The following CNNM2 variants were observed in gnomAD, a reference collection of about 807,000 sequenced individuals.
CNNM2 encodes the protein metal transporter CNNM2.
A neutral mutation model predicts 66.9 loss-of-function variants in CNNM2; 12 were observed. The observed-to-expected ratio is 0.18, with a 90% CI of 0.11 to 0.29. The LOEUF is 0.29. Ranked by LOEUF, CNNM2 falls within the 10% of genes least tolerant of loss-of-function variation. The probability of loss-of-function intolerance (pLI) is 1.00; values close to 1 mark genes in which losing one functional copy is unlikely to be tolerated. For missense variants in CNNM2, 705 were observed against 1,167.7 expected (o/e 0.60, Z 5.77); for synonymous variants, 557 against 501.8 (o/e 1.11, Z -1.47).
chr10:103,032,330 AATTC>A (rs2064842234), intron 1 of CNNM2, among the ~76,000 whole-genome samples: 1 of 152,072 alleles, frequency 6.6e-6, no homozygotes, highest in Admixed American at 6.6e-5. Context: ...GCACATCTGT[AATTC>A]CAGCTACTCA....
At chr10:103,024,941 T>G (rs2134291636) in intron 1 of CNNM2, among the ~76,000 whole-genome samples, 1 of 152,312 alleles carries the variant, frequency 6.6e-6, no homozygotes, top group East Asian at 1.9e-4. Flanking sequence ...ATTAAACACC[T>G]TCATCAGTAA....
chr10:102,980,296 GCTAT>G (rs1190387036), intron 1 of CNNM2, among the ~76,000 whole-genome samples: 1 of 150,504 alleles, frequency 6.6e-6, no homozygotes. Flanking sequence ...TAGTTAAATT[GCTAT>G]CTATTTTATT....
intron 1 of CNNM2, among the ~76,000 whole-genome samples, chr10:102,976,007 C>T (rs942863959): frequency 1.3e-5 from 2 of 152,132 alleles, no homozygotes; most frequent in Non-Finnish European, 2.9e-5. Flanking sequence ...AAAAGAACCT[C>T]ACTGGTTCTT....
intron 1 of CNNM2, among the ~76,000 whole-genome samples, chr10:102,998,877 C>T (rs1156298290): frequency 6.6e-6 from 1 of 152,004 alleles, no homozygotes; most frequent in Non-Finnish European, 1.5e-5. Context: ...TTGCAGGGTA[C>T]AAGAGCAATA....
At chr10:102,984,615 C>T in intron 1 of CNNM2, among the ~76,000 whole-genome samples, 1 of 152,170 alleles carries the variant, frequency 6.6e-6, no homozygotes, top group African/African-American at 2.4e-5. Flanking sequence ...ATTTGACAAT[C>T]TAAGCCTAGA....
rs2134148877 is a variant in CNNM2, at chr10:102,918,598, A to G, written c.118A>G (p.Ile40Val). The G allele has an allele frequency of 1.3e-6, 2 of 1,562,696 alleles. No individual in the cohort carries two copies. The highest frequency in any genetic ancestry group is 1.4e-5 in the African/African-American group (1 of 72,084). Residue 40 changes from isoleucine to valine, a missense_variant, in exon 1 of 8, where the codon ATC (isoleucine) becomes GTC (valine). Ile to Val is a conservative substitution (Grantham distance 29, BLOSUM62 3). Coordinates refer to ENST00000369878, the MANE Select transcript of CNNM2 (RefSeq NM_017649.5). The surrounding 1 kb of genome is among the most constrained non-coding windows in gnomAD (Gnocchi z 4.1). The stretch of plus-strand genomic sequence containing the variant: ...CAGCCTCAGCGCTCGCGGCCGGGGG[A>G]TCCTGCAGGCGGCTGCGGGGCGGCT... ...RRSLSARGRG[I>V]LQAAAGRLLP... is the part of the protein sequence containing the mutation.
intron 1 of CNNM2, among the ~76,000 whole-genome samples, chr10:103,021,134 C>A (rs76147378): frequency 6.6e-6 from 1 of 151,990 alleles, no homozygotes; most frequent in Non-Finnish European, 1.5e-5. Context: ...ACAGGCAAGG[C>A]GGGAGAGAAG....
At chr10:103,032,171 C>T (rs1590426775) in intron 1 of CNNM2, among the ~76,000 whole-genome samples, 1 of 152,056 alleles carries the variant, frequency 6.6e-6, no homozygotes, top group East Asian at 1.9e-4. Flanking sequence ...CATTAGGGGC[C>T]GGGTACGGTG....
rs775896596 is a variant in CNNM2, at chr10:102,918,596, G to A, written c.116G>A (p.Gly39Glu). 2 of 1,562,768 alleles carry A rather than the reference G, an allele frequency of 1.3e-6. No individual in the cohort carries two copies. Among genetic ancestry groups the A allele is most frequent in the Admixed American group, 1.9e-5 (1 of 52,472 alleles). ...ARRSLSARGR[G>E]ILQAAAGRLL... is the part of the protein sequence containing the mutation. ...CGCAGCCTCAGCGCTCGCGGCCGGG[G>A]GATCCTGCAGGCGGCTGCGGGGCGG... Residue 39 changes from glycine (G) to glutamate (E), a missense_variant, in exon 1 of 8, where the codon GGG becomes GAG. Transcript: ENST00000369878. This position sits in a 1 kb window ranked among gnomAD's most constrained non-coding sequence, Gnocchi z 4.1.
At chr10:102,958,679 A>G (rs1376888277) in intron 1 of CNNM2, among the ~76,000 whole-genome samples, 1 of 151,782 alleles carries the variant, frequency 6.6e-6, no homozygotes, top group Admixed American at 6.6e-5. Flanking sequence ...CTATATTGCC[A>G]GGCTGATCTC....
chr10:102,927,220 C>A (rs1845900580), intron 1 of CNNM2: 1 of 1,279,426 alleles, frequency 7.8e-7, no homozygotes, highest in East Asian at 2.5e-5. Context: ...AGTAAACTTT[C>A]AATTCATTAA....
Position 103,085,705 on chromosome 10 carries a change from CAG to C in CNNM2, c.*8528_*8529del, listed in dbSNP as rs569712861. ...AAAACATAGATTCCTCATCCTTAAACAGAGTCAGCAAGTTTGAGATGAAATGT... is the reference window on the plus strand; with the variant it reads ...AAAACATAGATTCCTCATCCTTAAACAGTCAGCAAGTTTGAGATGAAATGT... On this transcript the variant is annotated 3_prime_UTR_variant, in exon 8 of 8. Coordinates refer to ENST00000369878, the MANE Select transcript of CNNM2 (RefSeq NM_017649.5). The C allele has an allele frequency of 7.7e-4, 118 of 152,316 alleles. 1 individual carries two copies. The highest frequency in any genetic ancestry group is 2.7e-3 in the African/African-American group (113 of 41,568). The allele number at this position is 152,316 out of a possible 1,614,324, so 9.4% of individuals were successfully genotyped here. A position where few individuals can be genotyped will look rare whatever the true frequency, so the allele number is the denominator to read the frequency against.
intron 1 of CNNM2, among the ~76,000 whole-genome samples, chr10:103,026,743 C>G (rs979654523): frequency 1.3e-5 from 2 of 151,890 alleles, no homozygotes; most frequent in African/African-American, 4.8e-5. Context: ...TGCTGTGGGC[C>G]TCAGTCAGTG....
intron 1 of CNNM2, among the ~76,000 whole-genome samples, chr10:102,966,156 G>A (rs1488195198): frequency 1.3e-5 from 2 of 152,116 alleles, no homozygotes; most frequent in Non-Finnish European, 2.9e-5. Flanking sequence ...CGTGATTTCT[G>A]TACTTGTATG....
In CNNM2 at chr10:102,960,897, G is replaced by GTT. The variant is rs202024113; in HGVS notation, c.1621+40808_1621+40809dup. 0.014 allele frequency among the ~76,000 whole-genome samples: 1,950 copies of GTT among 138,788 alleles called. 32 individuals carry two copies. The highest frequency in any genetic ancestry group is 0.022 in the Non-Finnish European group (1,455 of 64,878). 91.1% of individuals were successfully genotyped at this position (138,788 alleles called of 152,430 possible). Reference sequence around the variant, plus strand: ...GCCTCCTGAGTTCAAGTGATTCTCTGTTTTTTTTTTTTTGAGACAGAGTTT... The same window carrying GTT: ...GCCTCCTGAGTTCAAGTGATTCTCTGTTTTTTTTTTTTTTTGAGACAGAGTTT... On this transcript the variant is annotated intron_variant, in intron 1 of 7. Transcript: ENST00000369878.
At chr10:103,007,909 C>T (rs957674578) in intron 1 of CNNM2, among the ~76,000 whole-genome samples, 3 of 152,204 alleles carry the variant, frequency 2.0e-5, no homozygotes, top group Non-Finnish European at 2.9e-5. Context: ...ATTTGGGGAA[C>T]TGATATATGT....
In CNNM2 at chr10:103,056,862, T is replaced by A; in HGVS notation, c.1971T>A (p.Asn657Lys). The change falls in exon 4 of 8, where the codon AAT becomes AAA. Residue 657 changes from asparagine to lysine, a missense_variant. By Grantham distance (94) the Asn-to-Lys change is moderately conservative. Coordinates refer to ENST00000369878, the MANE Select transcript of CNNM2 (RefSeq NM_017649.5). ...TTCTAAGGCTGCTAAAGCACCCCAA[T>A]GTCATCCAGGAACTGAAATATGATG... ...KILLRLLKHP[N>K]VIQELKYDEK... 1 of 1,613,978 alleles carries A rather than the reference T, an allele frequency of 6.2e-7. No individual in the cohort carries two copies. The highest frequency in any genetic ancestry group is 8.5e-7 in the Non-Finnish European group (1 of 1,179,880).
intron 1 of CNNM2, among the ~76,000 whole-genome samples, chr10:103,028,814 C>CTTTTTTTTTTTTCT (rs2064759605): frequency 7.9e-6 from 1 of 126,182 alleles, no homozygotes; most frequent in Non-Finnish European, 1.6e-5. Context: ...TTTTCTTTTT[C>CTTTTTTTTTTTTCT]TTTTTTTTTT....
At chr10:103,018,421 A>T (rs1432364774) in intron 1 of CNNM2, among the ~76,000 whole-genome samples, 1 of 152,208 alleles carries the variant, frequency 6.6e-6, no homozygotes, top group Non-Finnish European at 1.5e-5. Flanking sequence ...AATTGGATGT[A>T]TAAATCCAGA....
Sources: gnomAD v4.1 joint callset for allele counts (sites outside exome capture counted in the v4.1 genomes callset) on GRCh38, gnomAD v4.1.1 for gene constraint, Gnocchi (gnomAD v3.1) non-coding constraint, MANE v1.5 for transcripts, NCBI Gene and HGNC (gene_info 2026-07-23, HGNC 2026-07-21) for gene names.